STXBP5L: variants seen among roughly 807,000 people sequenced by gnomAD.
The protein encoded by STXBP5L is syntaxin binding protein 5L, also known as syntaxin-binding protein 5-like.
STXBP5L carries 65 observed loss-of-function variants against 144.5 expected under a neutral mutation model. That is an observed-to-expected ratio of 0.45 (90% CI 0.37 to 0.55). The LOEUF (loss-of-function observed/expected upper bound fraction) is 0.55, where lower values mean the gene tolerates loss of function less well. STXBP5L is among the 20% of genes least tolerant of loss of function. STXBP5L has a pLI of 0.00. For synonymous variants in STXBP5L, 505 were observed against 469.6 expected (o/e 1.08, Z -0.97); for missense variants, 1,298 against 1,405.5 (o/e 0.92, Z 1.22).
In STXBP5L at chr3:121,167,665, A is replaced by G. The variant is rs75866396; in HGVS notation, c.877+10038A>G. Among the ~76,000 whole-genome samples, 167 of 152,276 alleles carry G rather than the reference A, an allele frequency of 1.1e-3. 3 individuals are homozygous for G. The East Asian group carries it at 0.032, about 29-fold the overall frequency. On this transcript the variant is annotated intron_variant, in intron 9 of 26. Transcript: ENST00000471454. ...TGGGCAGGGCATCTCTGAAAAAAAT[A>G]AGACAGCAGCCCCAGTCAGGGGCTT...
chr3:120,918,133 T>C (rs752884155), intron 2 of STXBP5L, among the ~76,000 whole-genome samples: 1 of 152,226 alleles, frequency 6.6e-6, no homozygotes. Flanking sequence ...TCAAAGCCAG[T>C]TGATCTTTCC....
At chr3:121,021,720 T>C (rs1258786506) in intron 3 of STXBP5L, among the ~76,000 whole-genome samples, 1 of 152,046 alleles carries the variant, frequency 6.6e-6, no homozygotes, top group Admixed American at 6.6e-5. Flanking sequence ...AACTGAACAA[T>C]AGTAGTGACA....
chr3:121,344,102 A>G (rs1006205470), intron 20 of STXBP5L, among the ~76,000 whole-genome samples: 2 of 151,900 alleles, frequency 1.3e-5, no homozygotes, highest in Middle Eastern at 3.2e-3. Flanking sequence ...CCACATATCT[A>G]CAACTATCTG....
chr3:121,167,957 C>T (rs950672332), intron 9 of STXBP5L, among the ~76,000 whole-genome samples: 1 of 152,134 alleles, frequency 6.6e-6, no homozygotes, highest in Non-Finnish European at 1.5e-5. Flanking sequence ...GGTGGGTGCC[C>T]CTCTGGGACA....
intron 15 of STXBP5L, among the ~76,000 whole-genome samples, chr3:121,254,040 AG>A (rs2108372445): frequency 6.6e-6 from 1 of 152,144 alleles, no homozygotes; most frequent in Non-Finnish European, 1.5e-5. Flanking sequence ...ACTCTGGAAA[AG>A]TTCCTGAGTC....
At chr3:121,039,037 C>A (rs1946958261) in intron 3 of STXBP5L, among the ~76,000 whole-genome samples, 1 of 151,814 alleles carries the variant, frequency 6.6e-6, no homozygotes, top group Non-Finnish European at 1.5e-5. Flanking sequence ...CTTAGGTCTG[C>A]ATTTTTGTCT....
Position 121,121,632 on chromosome 3 carries a change from A to C in STXBP5L, c.606-9A>C. The C allele has an allele frequency of 1.9e-6, 3 of 1,589,490 alleles. No homozygotes were observed. Among genetic ancestry groups the C allele is most frequent in the Non-Finnish European group, 1.7e-6 (2 of 1,162,622 alleles). On this transcript the variant is annotated splice_polypyrimidine_tract_variant and intron_variant, in intron 6 of 26. Coordinates refer to ENST00000471454, the MANE Select transcript of STXBP5L (RefSeq NM_001308330.2). ...GGTTTTTAATTACTGTTTTGAATTG[A>C]TTTAACAGATCCACTAAGACTCATC...
intron 17 of STXBP5L, among the ~76,000 whole-genome samples, chr3:121,257,567 G>A: frequency 6.6e-6 from 1 of 152,102 alleles, no homozygotes; most frequent in East Asian, 1.9e-4. Context: ...AGAAAACATG[G>A]CTTTCACAGA....
Position 121,324,065 on chromosome 3 carries a change from C to T in STXBP5L, c.2176+5525C>T, listed in dbSNP as rs1022556242. ...CTGCTGCTACCTGTGTAGACATTCA[C>T]CTTCATAATTCTCAGTGCACAATCT... is the stretch of plus-strand genomic sequence containing the variant. On this transcript the variant is annotated intron_variant, in intron 20 of 26. Transcript: ENST00000471454. 5.5e-4 allele frequency among the ~76,000 whole-genome samples: 84 copies of T among 152,098 alleles called. 1 individual carries two copies. The highest frequency in any genetic ancestry group is 3.3e-4 in the Admixed American group (5 of 15,270).
At chr3:120,940,100 C>A (rs1710484903) in intron 2 of STXBP5L, among the ~76,000 whole-genome samples, 2 of 151,776 alleles carry the variant, frequency 1.3e-5, no homozygotes, top group Non-Finnish European at 2.9e-5. Flanking sequence ...CTGCTAATTT[C>A]CATTTTTATT....
At chr3:121,319,036 A>G (rs2043882494) in intron 20 of STXBP5L, among the ~76,000 whole-genome samples, 1 of 152,322 alleles carries the variant, frequency 6.6e-6, no homozygotes, top group South Asian at 2.1e-4. Flanking sequence ...CCATTAAAAT[A>G]TATTTAAAAT....
chr3:121,326,182 G>A (rs1481698945), intron 20 of STXBP5L, among the ~76,000 whole-genome samples: 1 of 151,958 alleles, frequency 6.6e-6, no homozygotes, highest in African/African-American at 2.4e-5. Context: ...TGAAGGTAGT[G>A]TCACAACATT....
rs570806894 is a variant in STXBP5L at position 120,976,170 on chromosome 3, G to T, written c.287+21133G>T. 3.3e-5 allele frequency among the ~76,000 whole-genome samples: 5 copies of T among 152,120 alleles called. No homozygotes were observed. The South Asian group carries it at 1.0e-3, about 32-fold the overall frequency. ...TAGAATTCGGCTGTGAATCCATCTG[G>T]TCCTGGACTCTTTTTGGTTGGTAAG... On this transcript the variant is annotated intron_variant, in intron 3 of 26. Transcript: ENST00000471454.
intron 20 of STXBP5L, among the ~76,000 whole-genome samples, chr3:121,344,460 A>G (rs1240151149): frequency 2.0e-5 from 3 of 152,094 alleles, no homozygotes; most frequent in Admixed American, 6.6e-5. Context: ...CCCTTACAAA[A>G]AAAATCTGCT....
At chr3:121,201,344 G>A (rs2048130888) in intron 9 of STXBP5L, among the ~76,000 whole-genome samples, 1 of 151,924 alleles carries the variant, frequency 6.6e-6, no homozygotes, top group Non-Finnish European at 1.5e-5. Flanking sequence ...AACCCCTACT[G>A]TTTTTTGCTT....
chr3:120,980,894 C>G (rs985459606), intron 3 of STXBP5L, among the ~76,000 whole-genome samples: 2 of 151,992 alleles, frequency 1.3e-5, no homozygotes, highest in African/African-American at 2.4e-5. Flanking sequence ...TATAGCTGGT[C>G]TAGTAGTGAT....
intron 20 of STXBP5L, among the ~76,000 whole-genome samples, chr3:121,371,461 G>A (rs890488349): frequency 8.5e-5 from 13 of 152,316 alleles, no homozygotes; most frequent in Middle Eastern, 3.4e-3. Context: ...AAAGCACTTC[G>A]TAGGGTGGTG....
Position 120,968,075 on chromosome 3 carries a change from C to A in STXBP5L, c.287+13038C>A, listed in dbSNP as rs773749328. Among the ~76,000 whole-genome samples the A allele has an allele frequency of 2.6e-5, 4 of 152,064 alleles. No individual in the cohort carries two copies. In the East Asian group the frequency reaches 5.8e-4, roughly 22 times the overall value. ...GCTGTTGAGAAAAATGTGTATTCTG[C>A]GGCTATTGGATGCAATGTTCTATAA... is the stretch of plus-strand genomic sequence containing the variant. On this transcript the variant is annotated intron_variant, in intron 3 of 26. Transcript: ENST00000471454.
chr3:121,092,527 G>T (rs1405889530), intron 5 of STXBP5L, among the ~76,000 whole-genome samples: 3 of 152,118 alleles, frequency 2.0e-5, no homozygotes, highest in Admixed American at 2.0e-4. Flanking sequence ...TATTCTCTTT[G>T]AAGCAATTGG....
Sources: allele counts gnomAD v4.1 joint callset (sites outside exome capture counted in the v4.1 genomes callset), GRCh38; gene constraint gnomAD v4.1.1; transcripts MANE v1.5; gene names NCBI Gene and HGNC (gene_info 2026-07-23, HGNC 2026-07-21).